C4BPB: variants seen among roughly 807,000 people sequenced by gnomAD.
C4BPB encodes C4b-binding protein beta chain.
A neutral mutation model predicts 26.6 loss-of-function variants in C4BPB; 19 were observed. The observed-to-expected ratio is 0.71, with a 90% CI of 0.50 to 1.05. The LOEUF (loss-of-function observed/expected upper bound fraction) is 1.05. C4BPB is among the 50% of genes least tolerant of loss of function. C4BPB has a pLI of 0.00. For synonymous variants in C4BPB, 118 were observed against 103.5 expected, an observed-to-expected ratio of 1.14 and a Z score of -0.85; for missense variants, 282 against 302.9, an observed-to-expected ratio of 0.93 and a Z score of 0.51.
At position 207,098,254 on chromosome 1, in the gene C4BPB, A is replaced by G. The variant is rs1051398089; in HGVS notation, c.608A>G (p.Glu203Gly). The part of the protein sequence containing the change: ...LIQEAPKPEC[E>G]KALLAFQESK... ...CAGGAAGCTCCCAAACCAGAGTGTG[A>G]GAAGGCACTTGTAAGTAGGAGGCTC... Residue 203 changes from glutamate to glycine, a missense_variant, in exon 6 of 7, where the codon GAG becomes GGG. Glu to Gly is a moderately conservative substitution (Grantham distance 98). Transcript: ENST00000367078. 1.9e-6 allele frequency: 3 copies of G among 1,602,726 alleles called. No homozygotes were observed. Among genetic ancestry groups the G allele is most frequent in the Admixed American group, 3.3e-5 (2 of 60,012 alleles).
At chr1:207,098,306 T>C in intron 6 of C4BPB, 42 bp downstream of exon 6, 1 of 1,219,986 alleles carries the variant, frequency 8.2e-7, no homozygotes. Flanking sequence ...CAGCTGGATC[T>C]CCAGGGCCTG....
At chr1:207,095,293 C>A (rs964280057) in intron 4 of C4BPB, 1 of 456,692 alleles carries the variant, frequency 2.2e-6, no homozygotes, top group Non-Finnish European at 4.4e-6. Context: ...TTCCACAGTT[C>A]CACAGACTCG....
chr1:207,099,690 G>GC, intron 6 of C4BPB, 99 bp from the exon 7 acceptor site: 1 of 914,972 alleles, frequency 1.1e-6, no homozygotes, highest in East Asian at 2.6e-5. Flanking sequence ...CTGGTTCTGA[G>GC]CCCCCATTCA....
intron 6 of C4BPB, among the ~76,000 whole-genome samples, chr1:207,099,390 C>T (rs1186992488): frequency 6.6e-6 from 1 of 152,172 alleles, no homozygotes; most frequent in Non-Finnish European, 1.5e-5. Context: ...TCACTTTCTG[C>T]TGTGTGGCCC....
chr1:207,090,531 T>C, intron 3 of C4BPB, 50 bp downstream of exon 3: 6 of 1,471,128 alleles, frequency 4.1e-6, no homozygotes, highest in Non-Finnish European at 4.6e-6. Flanking sequence ...CCTGTTTTAC[T>C]CCTTCACATC....
intron 4 of C4BPB, chr1:207,095,586 C>A (rs911972119): frequency 5.5e-6 from 2 of 366,664 alleles, no homozygotes; most frequent in African/African-American, 2.1e-5. Context: ...CCTTCAGCCT[C>A]CCAAAGTGCT....
intron 4 of C4BPB, chr1:207,095,380 G>C: frequency 2.2e-6 from 1 of 456,590 alleles, no homozygotes; most frequent in Non-Finnish European, 4.4e-6. Context: ...TCCCAGGCTG[G>C]AGTGCAGTGG....
rs78667607 is a variant in C4BPB at position 207,098,517 on chromosome 1, T to G, written c.618+253T>G. On this transcript the variant is annotated intron_variant, in intron 6 of 6. Transcript: ENST00000367078. ...CCTGTTGGTAGAAGTTGTTGTCTCA[T>G]GTGCCTTATAGAGCAGTGGTTCCCA... is the stretch of plus-strand genomic sequence containing the variant. Among the ~76,000 whole-genome samples, 6,294 of 152,300 alleles carry G rather than the reference T, an allele frequency of 0.041. 181 individuals carry two copies. Among genetic ancestry groups the G allele is most frequent in the Middle Eastern group, 0.068 (20 of 294 alleles).
rs1480634414 is a variant in C4BPB at position 207,090,488 on chromosome 1, T to C, written c.232+7T>C. 9 of 1,595,658 alleles carry C rather than the reference T, an allele frequency of 5.6e-6. No homozygotes were observed. In the South Asian group the frequency reaches 1.0e-4, roughly 18 times the overall value. ...ACCACTACTGAGTGCCGCTGTAAGT[T>C]AGATCTTTCTGTATCTTTGCCCATA... On this transcript the variant is annotated splice_region_variant and intron_variant, in intron 3 of 6. Transcript: ENST00000367078.
chr1:207,098,393 C>T (rs1226486049), intron 6 of C4BPB, 129 bp downstream of exon 6: 2 of 618,682 alleles, frequency 3.2e-6, no homozygotes, highest in Non-Finnish European at 5.8e-6. Context: ...TGGCCTTGGC[C>T]TGGCTGTAGA....
intron 4 of C4BPB, chr1:207,096,183 C>G (rs1558078823): frequency 3.4e-6 from 1 of 293,572 alleles, no homozygotes; most frequent in Non-Finnish European, 6.5e-6. Flanking sequence ...ACCTATGGCC[C>G]AATTTTTCTT....
intron 5 of C4BPB, among the ~76,000 whole-genome samples, chr1:207,097,627 C>A (rs1684308660): frequency 6.6e-6 from 1 of 151,222 alleles, no homozygotes; most frequent in South Asian, 2.1e-4. Flanking sequence ...AGTGTATAGA[C>A]CCTTAAAGCC....
At chr1:207,096,732 G>A (rs1684265452) in intron 5 of C4BPB, 117 bp downstream of exon 5, 2 of 635,698 alleles carry the variant, frequency 3.1e-6, no homozygotes, top group Admixed American at 5.9e-5. Flanking sequence ...AGGATTCTAA[G>A]CTCATTCTGA....
At chr1:207,089,684 T>G in intron 2 of C4BPB, 95 bp downstream of exon 2, 1 of 1,007,424 alleles carries the variant, frequency 9.9e-7, no homozygotes, top group Non-Finnish European at 1.5e-6. Context: ...GAAGTTTACA[T>G]TTATAATATC....
chr1:207,095,182 TAGGA>T (rs1684192666), intron 4 of C4BPB: 2 of 414,036 alleles, frequency 4.8e-6, no homozygotes, highest in Non-Finnish European at 9.6e-6. Flanking sequence ...CTGATAATAT[TAGGA>T]AGGAAGCCAA....
chr1:207,089,481 G>A lies in C4BPB; in HGVS notation c.-50-1G>A. 1 of 1,544,342 alleles carries A rather than the reference G, an allele frequency of 6.5e-7. No homozygotes were observed. Among genetic ancestry groups the A allele is most frequent in the Non-Finnish European group, 9.0e-7 (1 of 1,116,984 alleles). ...AGAAGATCTATTTTTTTTCAAACCA[G>A]GTGTCTGAGCTGGGTGAATTCCAGC... is the stretch of plus-strand genomic sequence containing the variant. On this transcript the variant is annotated splice_acceptor_variant, in intron 1 of 6. Transcript: ENST00000367078. LOFTEE classifies it low-confidence loss of function (5UTR_SPLICE).
chr1:207,096,554 G>C lies in C4BPB; in HGVS notation c.442G>C (p.Gly148Arg). 6.2e-7 allele frequency: 1 copy of C among 1,610,078 alleles called. No homozygotes were observed. The highest frequency in any genetic ancestry group is 2.2e-5 in the East Asian group (1 of 44,852). The change falls in exon 5 of 7, where the codon GGC (glycine) becomes CGC (arginine). Residue 148 changes from glycine to arginine, a missense_variant. Coordinates refer to ENST00000367078, the MANE Select transcript of C4BPB (RefSeq NM_001017365.3). ...DCDPPGNPVH[G>R]YFEGNNFTLG... is the part of the protein sequence containing the mutation. The stretch of plus-strand genomic sequence containing the variant: ...TGACCCTCCTGGGAATCCAGTTCAT[G>C]GCTATTTTGAAGGAAATAACTTCAC...
intron 2 of C4BPB, 69 bp from the exon 3 acceptor site, chr1:207,090,239 G>A (rs1683971446): frequency 8.2e-7 from 1 of 1,214,512 alleles, no homozygotes; most frequent in Admixed American, 2.4e-5. Flanking sequence ...ATGAGAATGG[G>A]GAAATCTAAT....
intron 3 of C4BPB, 49 bp from the exon 4 acceptor site, chr1:207,091,595 T>G: frequency 1.3e-6 from 2 of 1,534,956 alleles, no homozygotes. Context: ...CTTTGCTGTG[T>G]TGGGCTTCAG....
Sources: gnomAD v4.1 joint callset for allele counts (sites outside exome capture counted in the v4.1 genomes callset) on GRCh38, gnomAD v4.1.1 for gene constraint, MANE v1.5 for transcripts, NCBI Gene and HGNC (gene_info 2026-07-23, HGNC 2026-07-21) for gene names.